WDR89: variants seen among roughly 807,000 people sequenced by gnomAD.
WDR89 encodes WD repeat domain 89, also known as WD repeat-containing protein 89.
A neutral mutation model predicts 29.1 loss-of-function variants in WDR89; 17 were observed. The observed-to-expected ratio is 0.58, with a 90% confidence interval of 0.40 to 0.88. The LOEUF (loss-of-function observed/expected upper bound fraction) is 0.88, where lower values mean the gene tolerates loss of function less well. WDR89 is among the 40% of genes least tolerant of loss of function. The pLI, the probability that WDR89 is intolerant of heterozygous loss-of-function variation, is 0.00. For missense variants in WDR89, 396 were observed against 456.3 expected, an observed-to-expected ratio of 0.87 and a Z score of 1.20; for synonymous variants, 138 against 157.8, an observed-to-expected ratio of 0.87 and a Z score of 0.94.
intron 1 of WDR89, among the ~76,000 whole-genome samples, chr14:63,633,866 A>G (rs1299149260): frequency 1.3e-5 from 2 of 152,252 alleles, no homozygotes; most frequent in African/African-American, 4.8e-5. Flanking sequence ...TCAGATGTGA[A>G]GGATAAAAAG....
chr14:63,610,194 G>A (rs1441637899), intron 2 of WDR89, among the ~76,000 whole-genome samples: 2 of 142,650 alleles, frequency 1.4e-5, no homozygotes, highest in Admixed American at 1.4e-4. Context: ...CACTCTGGCC[G>A]GGGCGACAGA....
chr14:63,610,885 A>G (rs935762836), intron 2 of WDR89, among the ~76,000 whole-genome samples: 3 of 151,600 alleles, frequency 2.0e-5, no homozygotes, highest in African/African-American at 7.3e-5. Flanking sequence ...TATTTCTAGT[A>G]CAGATGGGGT....
chr14:63,630,015 T>C (rs140907234), intron 1 of WDR89, among the ~76,000 whole-genome samples: 21 of 152,304 alleles, frequency 1.4e-4, no homozygotes, highest in Non-Finnish European at 2.6e-4. Context: ...TGGCGTGATC[T>C]TGGCTCACTG....
In WDR89 at chr14:63,597,114, T is replaced by C. The variant is rs545184721; in HGVS notation, c.*1665A>G. On this transcript the variant is annotated 3_prime_UTR_variant, in exon 3 of 3. Coordinates refer to ENST00000620954, the MANE Select transcript of WDR89 (RefSeq NM_080666.4). ...GGAGGCCTCAAGAAACTTACAATCATGGGGGAACGCAAAGGGGAAGCAAAG... is the reference window on the plus strand; with the variant it reads ...GGAGGCCTCAAGAAACTTACAATCACGGGGGAACGCAAAGGGGAAGCAAAG... 2.6e-5 allele frequency: 4 copies of C among 152,292 alleles called. No individual in the cohort carries two copies. The South Asian group carries it at 8.3e-4, about 32-fold the overall frequency. The allele number at this position is 152,292 out of a possible 1,614,324, so 9.4% of individuals were successfully genotyped here.
chr14:63,636,451 T>G (rs1235437102), intron 1 of WDR89, among the ~76,000 whole-genome samples: 1 of 152,174 alleles, frequency 6.6e-6, no homozygotes, highest in Admixed American at 6.5e-5. Context: ...GGAGCCCGCA[T>G]AGCCAAAGCA....
At chr14:63,619,088 G>A (rs1338638186) in intron 2 of WDR89, among the ~76,000 whole-genome samples, 8 of 152,160 alleles carry the variant, frequency 5.3e-5, no homozygotes, top group African/African-American at 1.4e-4. Flanking sequence ...CAAGCCTTAC[G>A]CTGTGGAAAG....
At chr14:63,606,335 A>G (rs1365617252) in intron 2 of WDR89, among the ~76,000 whole-genome samples, 1 of 152,258 alleles carries the variant, frequency 6.6e-6, no homozygotes, top group Non-Finnish European at 1.5e-5. Context: ...CTTATGGAAT[A>G]AGGATATATG....
At chr14:63,622,329 C>T (rs1427213642) in intron 2 of WDR89, among the ~76,000 whole-genome samples, 2 of 152,174 alleles carry the variant, frequency 1.3e-5, no homozygotes, top group Non-Finnish European at 2.9e-5. Context: ...CCTGTAATCC[C>T]AGGACTTTGG....
At chr14:63,624,482 C>A (rs1215592396) in intron 2 of WDR89, among the ~76,000 whole-genome samples, 6 of 140,122 alleles carry the variant, frequency 4.3e-5, no homozygotes, top group South Asian at 2.3e-4. Context: ...AAAAAAACCA[C>A]AACAAAACAA....
intron 1 of WDR89, among the ~76,000 whole-genome samples, chr14:63,625,914 C>T (rs1019667602): frequency 2.0e-5 from 3 of 150,806 alleles, no homozygotes; most frequent in Non-Finnish European, 4.4e-5. Flanking sequence ...AGAGCAGCAG[C>T]GTGATCTCAG....
intron 2 of WDR89, among the ~76,000 whole-genome samples, chr14:63,604,732 T>C (rs1015890637): frequency 2.0e-5 from 3 of 152,240 alleles, no homozygotes; most frequent in Admixed American, 2.0e-4. Context: ...TCTTGCTTAT[T>C]TGTTAATAAG....
chr14:63,621,557 G>C (rs913695570), intron 2 of WDR89, among the ~76,000 whole-genome samples: 2 of 151,772 alleles, frequency 1.3e-5, no homozygotes, highest in Non-Finnish European at 1.5e-5. Flanking sequence ...GAGATCACAC[G>C]ATTGCACTGC....
rs147596008 is a variant in WDR89 at position 63,637,979 on chromosome 14, T to C, written c.-138+3825A>G. 7.1e-4 allele frequency among the ~76,000 whole-genome samples: 108 copies of C among 151,768 alleles called. 1 individual carries two copies. The East Asian group carries it at 0.012, about 16-fold the overall frequency. On this transcript the variant is annotated intron_variant, in intron 1 of 2. Transcript: ENST00000620954. ...TTTTTTTTTTTCAAAACAGCCTCGC[T>C]CTGTTACCCAGGCTGGAGTGCAGTG...
chr14:63,615,101 A>G (rs1052795257), intron 2 of WDR89, among the ~76,000 whole-genome samples: 1 of 152,252 alleles, frequency 6.6e-6, no homozygotes, highest in African/African-American at 2.4e-5. Flanking sequence ...ATTATGCTGC[A>G]GGTTCCAGAT....
chr14:63,598,744 T>G lies in WDR89; in HGVS notation c.*35A>C. 6.5e-7 allele frequency: 1 copy of G among 1,527,568 alleles called. No homozygotes were observed. The highest frequency in any genetic ancestry group is 8.8e-7 in the Non-Finnish European group (1 of 1,139,610). 94.6% of individuals were successfully genotyped at this position (1,527,568 alleles called of 1,614,324 possible). A position where few individuals can be genotyped will look rare whatever the true frequency, so the allele number is the denominator to read the frequency against. On this transcript the variant is annotated 3_prime_UTR_variant, in exon 3 of 3. Transcript: ENST00000620954. ...GTAAACAAGAAGGACTATTTGAAAC[T>G]ATAAAACCTACCAAACAAAGTGCCA...
At chr14:63,613,118 C>A (rs1036743703) in intron 2 of WDR89, among the ~76,000 whole-genome samples, 2 of 152,142 alleles carry the variant, frequency 1.3e-5, no homozygotes, top group Non-Finnish European at 2.9e-5. Context: ...GGAGAAGACT[C>A]CTTGGTCCTA....
chr14:63,622,264 G>A (rs902950085), intron 2 of WDR89, among the ~76,000 whole-genome samples: 56 of 151,604 alleles, frequency 3.7e-4, no homozygotes, highest in African/African-American at 1.3e-3. Flanking sequence ...GTGAAACCAC[G>A]TCTCTACTAA....
chr14:63,639,249 G>A (rs1285136373), intron 1 of WDR89, among the ~76,000 whole-genome samples: 3 of 152,012 alleles, frequency 2.0e-5, no homozygotes, highest in African/African-American at 7.3e-5. Context: ...GCTGAGCATG[G>A]TGGCTCATGC....
At position 63,626,636 on chromosome 14, in the gene WDR89, AC is replaced by A. The variant is rs367913536; in HGVS notation, c.-137-1604del. ...AGAGGTTGCAGTGAGCCAAGATCACACCACTGCATTCCAGCCTGGGCTACAG... is the reference window on the plus strand; with the variant it reads ...AGAGGTTGCAGTGAGCCAAGATCACACACTGCATTCCAGCCTGGGCTACAG... On this transcript the variant is annotated intron_variant, in intron 1 of 2. Coordinates refer to ENST00000620954, the MANE Select transcript of WDR89 (RefSeq NM_080666.4). 8.9e-3 allele frequency among the ~76,000 whole-genome samples: 1,164 copies of A among 131,302 alleles called. 11 individuals are homozygous for A. Among genetic ancestry groups the A allele is most frequent in the African/African-American group, 0.03 (1,093 of 36,384 alleles). 86.1% of individuals were successfully genotyped at this position (131,302 alleles called of 152,430 possible). A position where few individuals can be genotyped will look rare whatever the true frequency, so the allele number is the denominator to read the frequency against.
Sources: allele counts gnomAD v4.1 joint callset (sites outside exome capture counted in the v4.1 genomes callset), GRCh38; gene constraint gnomAD v4.1.1; transcripts MANE v1.5; gene names NCBI Gene and HGNC (gene_info 2026-07-23, HGNC 2026-07-21).